Variants in AGBL4 observed in about 807,000 individuals in gnomAD.
The protein encoded by AGBL4 is cytosolic carboxypeptidase 6.
Under a neutral mutation model 66.4 loss-of-function variants are expected in AGBL4, and 58 were observed. That is an observed-to-expected ratio of 0.87 (90% confidence interval 0.71 to 1.09). The LOEUF (loss-of-function observed/expected upper bound fraction) is 1.09. Ranked by LOEUF, AGBL4 falls within the 50% of genes least tolerant of loss-of-function variation. The pLI is 0.00. For synonymous variants in AGBL4, 234 were observed against 222.9 expected, an observed-to-expected ratio of 1.05 and a Z score of -0.44; for missense variants, 579 against 631.0, an observed-to-expected ratio of 0.92 and a Z score of 0.88.
chr1:49,333,154 A>G (rs1326433772), intron 3 of AGBL4, among the ~76,000 whole-genome samples: 1 of 152,064 alleles, frequency 6.6e-6, no homozygotes, highest in Non-Finnish European at 1.5e-5. Context: ...TGTTCTGCAC[A>G]TGTGTCCCAG....
chr1:48,596,443 T>C (rs971739930), intron 9 of AGBL4, among the ~76,000 whole-genome samples: 1 of 152,166 alleles, frequency 6.6e-6, no homozygotes, highest in Non-Finnish European at 1.5e-5. Flanking sequence ...CATTATTAAC[T>C]AAAATGTCTC....
intron 6 of AGBL4, chr1:48,759,080 T>G (rs770750910): frequency 6.2e-7 from 1 of 1,612,860 alleles, no homozygotes; most frequent in Non-Finnish European, 8.5e-7. Context: ...TGCTGGTAGT[T>G]GCGCAGCAGC....
chr1:49,543,909 A>C (rs752892119), intron 3 of AGBL4, among the ~76,000 whole-genome samples: 1 of 152,204 alleles, frequency 6.6e-6, no homozygotes, highest in Non-Finnish European at 1.5e-5. Flanking sequence ...AAAAAACAAA[A>C]AACTGTTGGA....
intron 3 of AGBL4, among the ~76,000 whole-genome samples, chr1:49,346,384 G>T (rs1269561946): frequency 6.6e-6 from 1 of 152,116 alleles, no homozygotes; most frequent in Non-Finnish European, 1.5e-5. Context: ...TTGTAATTCT[G>T]GATACATACT....
chr1:49,447,127 G>GCA (rs1646175476), intron 3 of AGBL4, among the ~76,000 whole-genome samples: 1 of 152,126 alleles, frequency 6.6e-6, no homozygotes, highest in African/African-American at 2.4e-5. Context: ...ATGAGCCTGA[G>GCA]CACAGAAGCC....
intron 3 of AGBL4, among the ~76,000 whole-genome samples, chr1:49,265,151 AT>A (rs1287400664): frequency 6.6e-6 from 1 of 152,206 alleles, no homozygotes; most frequent in Non-Finnish European, 1.5e-5. Flanking sequence ...TTAAAAATGA[AT>A]TTGAGTCCAT....
chr1:49,316,422 T>C (rs1049157539), intron 3 of AGBL4, among the ~76,000 whole-genome samples: 1 of 151,744 alleles, frequency 6.6e-6, no homozygotes, highest in Non-Finnish European at 1.5e-5. Flanking sequence ...AAAAACTGCT[T>C]GATGAAAAGT....
At chr1:49,465,206 TACATACACAC>T (rs1446657888) in intron 3 of AGBL4, among the ~76,000 whole-genome samples, 1 of 69,018 alleles carries the variant, frequency 1.4e-5, no homozygotes, top group Non-Finnish European at 3.0e-5. Context: ...ACCCTACCCC[TACATACACAC>T]ACACACACAC....
intron 3 of AGBL4, among the ~76,000 whole-genome samples, chr1:49,263,867 A>G (rs1570271301): frequency 6.6e-6 from 1 of 152,266 alleles, no homozygotes; most frequent in East Asian, 1.9e-4. Flanking sequence ...TTATAATAGG[A>G]AAACAAAAAA....
intron 5 of AGBL4, among the ~76,000 whole-genome samples, chr1:48,971,932 A>G (rs1658937405): frequency 6.6e-6 from 1 of 152,170 alleles, no homozygotes. Flanking sequence ...GGAACCTAAA[A>G]GGCAGGGATA....
intron 3 of AGBL4, among the ~76,000 whole-genome samples, chr1:49,436,377 C>G (rs903953015): frequency 6.6e-6 from 1 of 152,014 alleles, no homozygotes; most frequent in Non-Finnish European, 1.5e-5. Flanking sequence ...ATAATTAGGT[C>G]AACAGCAGTA....
intron 3 of AGBL4, among the ~76,000 whole-genome samples, chr1:49,662,153 G>A (rs1646281627): frequency 6.6e-6 from 1 of 150,794 alleles, no homozygotes; most frequent in Non-Finnish European, 1.5e-5. Context: ...GGAAACTTTT[G>A]GGCTAATGAA....
chr1:49,767,302 G>T (rs377554131), intron 2 of AGBL4, among the ~76,000 whole-genome samples: 1 of 151,750 alleles, frequency 6.6e-6, no homozygotes. Context: ...ATACCAAGAC[G>T]ATCTCTCAGA....
intron 3 of AGBL4, among the ~76,000 whole-genome samples, chr1:49,574,659 A>T (rs539098616): frequency 2.4e-4 from 37 of 152,152 alleles, no homozygotes; most frequent in Non-Finnish European, 3.8e-4. Flanking sequence ...TCAACTACAA[A>T]ATTTAAATAC....
intron 11 of AGBL4, among the ~76,000 whole-genome samples, chr1:48,550,062 C>G (rs769341900): frequency 8.5e-5 from 13 of 152,102 alleles, no homozygotes; most frequent in East Asian, 1.9e-4. Context: ...CTGAAAGGCT[C>G]ACTTCACGGA....
intron 2 of AGBL4, among the ~76,000 whole-genome samples, chr1:49,707,523 C>A (rs772638860): frequency 6.6e-6 from 1 of 151,930 alleles, no homozygotes; most frequent in Non-Finnish European, 1.5e-5. Context: ...CAATCTGTGT[C>A]TTTTAACTGG....
At chr1:48,897,806 CT>C (rs55889870) in intron 5 of AGBL4, among the ~76,000 whole-genome samples, 2,166 of 127,748 alleles carry the variant, frequency 0.017, 53 homozygotes, top group African/African-American at 0.058. Context: ...CTTTTGCCCA[CT>C]TTTTTTTTTT....
At chr1:48,741,565 C>T (rs564645520) in intron 6 of AGBL4, among the ~76,000 whole-genome samples, 1 of 152,360 alleles carries the variant, frequency 6.6e-6, no homozygotes, top group East Asian at 1.9e-4. Context: ...CAGGGAACGA[C>T]ACCACATCCA....
Position 49,151,281 on chromosome 1 carries a change from A to AAT in AGBL4, c.377+94487_377+94488dup, listed in dbSNP as rs67309599. 3.6e-3 allele frequency among the ~76,000 whole-genome samples: 513 copies of AAT among 143,178 alleles called. 3 individuals are homozygous for AAT. The highest frequency in any genetic ancestry group is 8.5e-3 in the African/African-American group (331 of 38,740). 93.9% of individuals were successfully genotyped at this position (143,178 alleles called of 152,430 possible). ...AAGACTCCGTCTCAAAAAAAAAAAAAATATATATATATATATATGTATATG... is the reference window on the plus strand; with the variant it reads ...AAGACTCCGTCTCAAAAAAAAAAAAAATATATATATATATATATATGTATATG... On this transcript the variant is annotated intron_variant, in intron 4 of 13. Coordinates refer to ENST00000371839, the MANE Select transcript of AGBL4 (RefSeq NM_032785.4).
Sources: gnomAD v4.1 joint callset for allele counts (sites outside exome capture counted in the v4.1 genomes callset) on GRCh38, gnomAD v4.1.1 for gene constraint, MANE v1.5 for transcripts, NCBI Gene and HGNC (gene_info 2026-07-23, HGNC 2026-07-21) for gene names.